TMEM117: variants seen among roughly 807,000 people sequenced by gnomAD.
TMEM117 encodes the protein transmembrane protein 117.
Under a neutral mutation model 52.4 loss-of-function variants are expected in TMEM117, and 27 were observed. The observed-to-expected ratio is 0.51, with a 90% CI of 0.38 to 0.71. The LOEUF (loss-of-function observed/expected upper bound fraction) is 0.71, where lower values mean the gene tolerates loss of function less well. Ranked by LOEUF, TMEM117 falls within the 30% of genes least tolerant of loss-of-function variation. TMEM117 has a pLI of 0.00. For missense variants in TMEM117, 556 were observed against 630.5 expected (o/e 0.88, Z 1.26); for synonymous variants, 215 against 206.3 (o/e 1.04, Z -0.36).
intron 4 of TMEM117, among the ~76,000 whole-genome samples, chr12:44,207,999 A>G (rs1183845020): frequency 1.3e-5 from 2 of 152,080 alleles, no homozygotes; most frequent in African/African-American, 2.4e-5. Flanking sequence ...AATAAGAAAA[A>G]TCCATTAAGA....
At chr12:44,160,309 C>G (rs1334422674) in intron 4 of TMEM117, among the ~76,000 whole-genome samples, 1 of 151,970 alleles carries the variant, frequency 6.6e-6, no homozygotes, top group African/African-American at 2.4e-5. Flanking sequence ...ACACATATAA[C>G]TCACAGAAAA....
chr12:44,119,985 T>C (rs1466101643), intron 3 of TMEM117, among the ~76,000 whole-genome samples: 1 of 151,998 alleles, frequency 6.6e-6, no homozygotes, highest in Non-Finnish European at 1.5e-5. Context: ...AAAATCCAGA[T>C]AGGCTTTTAA....
chr12:44,392,787 A>G (rs1444533214), downstream of TMEM117, among the ~76,000 whole-genome samples: 1 of 150,176 alleles, frequency 6.7e-6, no homozygotes, highest in Non-Finnish European at 1.5e-5. Context: ...TAAACATTCT[A>G]GCATTGAAAT....
At position 44,124,263 on chromosome 12, in the gene TMEM117, A is replaced by G. The variant is rs150020598; in HGVS notation, c.411-19262A>G. ...TTTCACATTGATTTTGTATCCTGAG[A>G]CTTTTCTGAAGTTGCTTATCAGCTT... On this transcript the variant is annotated intron_variant, in intron 3 of 7. Coordinates refer to ENST00000266534, the MANE Select transcript of TMEM117 (RefSeq NM_032256.3). 8.2e-3 allele frequency among the ~76,000 whole-genome samples: 1,244 copies of G among 152,224 alleles called. 12 individuals carry two copies. Among genetic ancestry groups the G allele is most frequent in the African/African-American group, 0.029 (1,185 of 41,540 alleles).
chr12:44,043,451 G>A (rs554092161), intron 3 of TMEM117, among the ~76,000 whole-genome samples: 1 of 152,252 alleles, frequency 6.6e-6, no homozygotes, highest in South Asian at 2.1e-4. Flanking sequence ...GATGAAGCTG[G>A]GGGCACTGAG....
At chr12:44,338,000 TC>T (rs1439942611) in intron 6 of TMEM117, among the ~76,000 whole-genome samples, 3 of 152,094 alleles carry the variant, frequency 2.0e-5, no homozygotes, top group Admixed American at 1.3e-4. Context: ...ACTATTGATT[TC>T]TGATTTTAAG....
intron 2 of TMEM117, among the ~76,000 whole-genome samples, chr12:43,920,861 T>TCA (rs1004047649): frequency 2.0e-5 from 3 of 152,236 alleles, no homozygotes; most frequent in African/African-American, 7.2e-5. Context: ...AAATTAAGTA[T>TCA]AATATCTTAG....
At chr12:44,335,751 C>A (rs1215147516) in intron 6 of TMEM117, among the ~76,000 whole-genome samples, 1 of 151,944 alleles carries the variant, frequency 6.6e-6, no homozygotes, top group Non-Finnish European at 1.5e-5. Context: ...ATCTGCACAA[C>A]AGCATTGAAG....
chr12:44,300,110 G>T (rs1022937757), intron 6 of TMEM117, among the ~76,000 whole-genome samples: 1 of 152,168 alleles, frequency 6.6e-6, no homozygotes, highest in Admixed American at 6.5e-5. Context: ...AAGCAGCAAA[G>T]CAGGGAAAAG....
At chr12:43,938,071 A>AT (rs886329817) in intron 2 of TMEM117, among the ~76,000 whole-genome samples, 1 of 151,526 alleles carries the variant, frequency 6.6e-6, no homozygotes, top group African/African-American at 2.4e-5. Context: ...GCCCGTAGGG[A>AT]TTTTTTATTA....
chr12:43,864,034 C>T (rs185249500), intron 2 of TMEM117, among the ~76,000 whole-genome samples: 1,784 of 152,318 alleles, frequency 0.012, 36 homozygotes, highest in African/African-American at 0.041. Flanking sequence ...GCTTAGCACC[C>T]GGGCCAGCAG....
intron 3 of TMEM117, among the ~76,000 whole-genome samples, chr12:43,954,301 T>G (rs1945272314): frequency 6.6e-6 from 1 of 151,032 alleles, no homozygotes; most frequent in East Asian, 1.9e-4. Flanking sequence ...ATAAACAAGC[T>G]CAGAGTGGAA....
chr12:44,090,260 A>G (rs1947640323), intron 3 of TMEM117, among the ~76,000 whole-genome samples: 1 of 151,996 alleles, frequency 6.6e-6, no homozygotes, highest in Admixed American at 6.6e-5. Context: ...TTGGGCTTCT[A>G]CTTATCTTGT....
intron 2 of TMEM117, among the ~76,000 whole-genome samples, chr12:43,902,178 TG>T (rs1156807235): frequency 6.6e-6 from 1 of 152,234 alleles, no homozygotes; most frequent in Middle Eastern, 3.2e-3. Context: ...ACCTGGAAGT[TG>T]GAACTAGACA....
At chr12:43,920,056 A>C (rs974927110) in intron 2 of TMEM117, among the ~76,000 whole-genome samples, 1 of 152,006 alleles carries the variant, frequency 6.6e-6, no homozygotes. Flanking sequence ...ACCCATGTCA[A>C]TAGTTAATCT....
chr12:44,292,273 C>A (rs1254237400), intron 5 of TMEM117, among the ~76,000 whole-genome samples: 3 of 151,758 alleles, frequency 2.0e-5, no homozygotes, highest in Admixed American at 6.6e-5. Context: ...TCTCTTATGA[C>A]CCTTTGTATT....
At chr12:44,367,883 C>T (rs1471755239) in intron 6 of TMEM117, among the ~76,000 whole-genome samples, 1 of 152,126 alleles carries the variant, frequency 6.6e-6, no homozygotes, top group African/African-American at 2.4e-5. Context: ...TCAAAATACA[C>T]CTTGATCCGA....
At chr12:44,363,814 G>T (rs1951754876) in intron 6 of TMEM117, among the ~76,000 whole-genome samples, 1 of 152,136 alleles carries the variant, frequency 6.6e-6, no homozygotes, top group South Asian at 2.1e-4. Context: ...GTGTGTAGTT[G>T]TTAGAGTGAA....
intron 3 of TMEM117, among the ~76,000 whole-genome samples, chr12:44,127,717 T>C (rs1177612027): frequency 1.3e-5 from 2 of 151,946 alleles, no homozygotes; most frequent in East Asian, 1.9e-4. Context: ...TTCTTGATAA[T>C]GTGGGTGGGC....
Sources: allele counts gnomAD v4.1 joint callset (sites outside exome capture counted in the v4.1 genomes callset), GRCh38; gene constraint gnomAD v4.1.1; transcripts MANE v1.5; gene names NCBI Gene and HGNC (gene_info 2026-07-23, HGNC 2026-07-21).